Variants in CPLANE1 observed in about 807,000 individuals in gnomAD.
CPLANE1 encodes the protein ciliogenesis and planar polarity effector 1.
A neutral mutation model predicts 362.5 loss-of-function variants in CPLANE1; 263 were observed. The observed-to-expected ratio is 0.73, with a 90% CI of 0.66 to 0.80. The LOEUF (loss-of-function observed/expected upper bound fraction) is 0.80. Among genes scored for constraint, CPLANE1 ranks in the 30% least tolerant of loss-of-function variants. CPLANE1 has a pLI of 0.00. For synonymous variants in CPLANE1, 1,212 were observed against 1,302.6 expected, an observed-to-expected ratio of 0.93 and a Z score of 1.50; for missense variants, 3,461 against 3,793.4, an observed-to-expected ratio of 0.91 and a Z score of 2.30.
At chr5:37,230,028 T>C (rs1797360683) in intron 9 of CPLANE1, among the ~76,000 whole-genome samples, 1 of 151,548 alleles carries the variant, frequency 6.6e-6, no homozygotes, top group Non-Finnish European at 1.5e-5. Flanking sequence ...AATACAAAAT[T>C]AGCCAGGCAT....
chr5:37,093,338 C>T, the CPLANE1 span, among the ~76,000 whole-genome samples: 1 of 152,182 alleles, frequency 6.6e-6, no homozygotes, highest in Non-Finnish European at 1.5e-5. Flanking sequence ...CACTGGCATT[C>T]CAACAGCAAT....
intron 21 of CPLANE1, among the ~76,000 whole-genome samples, chr5:37,194,584 C>T (rs1033027449): frequency 7.9e-5 from 12 of 151,242 alleles, no homozygotes; most frequent in Non-Finnish European, 1.8e-4. Context: ...AATGCCGTTT[C>T]GGTTGGAAAA....
Position 37,172,642 on chromosome 5 carries a change from A to T in CPLANE1, c.6171+1113T>A, listed in dbSNP as rs146421060. 2.0e-3 allele frequency among the ~76,000 whole-genome samples: 307 copies of T among 152,340 alleles called. 1 individual carries two copies. Among genetic ancestry groups the T allele is most frequent in the African/African-American group, 7.1e-3 (296 of 41,590 alleles). On this transcript the variant is annotated intron_variant, in intron 32 of 52. Transcript: ENST00000651892. Reference sequence around the variant, plus strand: ...TTAGTTTCAGTAAGTTTCATGGGACAGGGGGACATGCTGAACAACTATTCT... The same window carrying T: ...TTAGTTTCAGTAAGTTTCATGGGACTGGGGGACATGCTGAACAACTATTCT...
At chr5:37,171,392 G>A (rs1779747390) in intron 32 of CPLANE1, among the ~76,000 whole-genome samples, 1 of 152,196 alleles carries the variant, frequency 6.6e-6, no homozygotes, top group Non-Finnish European at 1.5e-5. Flanking sequence ...TGATTCAACA[G>A]GTCTAGGATA....
intron 51 of CPLANE1, among the ~76,000 whole-genome samples, chr5:37,112,495 G>T (rs1385219221): frequency 6.6e-6 from 1 of 152,190 alleles, no homozygotes; most frequent in African/African-American, 2.4e-5. Flanking sequence ...GAAGTGAAAG[G>T]TAAGTTATAG....
chr5:37,144,850 C>CAA (rs530265427), intron 43 of CPLANE1, among the ~76,000 whole-genome samples: 44 of 64,188 alleles, frequency 6.9e-4, no homozygotes, highest in African/African-American at 2.1e-3. Context: ...GACTCTGTCT[C>CAA]AAAAAAAAAA....
chr5:37,190,206 A>C (rs1420008254), intron 21 of CPLANE1, among the ~76,000 whole-genome samples: 2 of 152,124 alleles, frequency 1.3e-5, no homozygotes, highest in Non-Finnish European at 2.9e-5. Flanking sequence ...TCTACTAGAC[A>C]AACGATCGAG....
intron 17 of CPLANE1, 34 bp downstream of exon 17, chr5:37,206,163 A>G (rs1488789472): frequency 7.7e-7 from 1 of 1,297,514 alleles, no homozygotes; most frequent in Admixed American, 2.0e-5. Context: ...TAGTTCAATC[A>G]TACTATATCT....
chr5:37,085,841 A>G, the CPLANE1 span: 1 of 1,287,860 alleles, frequency 7.8e-7, no homozygotes. Context: ...GGCCAAACAG[A>G]GCAGTGGGTG....
intron 47 of CPLANE1, chr5:37,124,825 A>T (rs1238767942): frequency 5.9e-5 from 57 of 969,152 alleles, no homozygotes; most frequent in Non-Finnish European, 6.3e-5. Flanking sequence ...AAGTTTTCTA[A>T]GCAAATAAAT....
chr5:37,187,032 G>A (rs535353986), intron 23 of CPLANE1, among the ~76,000 whole-genome samples: 52 of 127,886 alleles, frequency 4.1e-4, no homozygotes, highest in African/African-American at 1.7e-3. Flanking sequence ...CTGCACTCTA[G>A]CCTGGGTGAC....
intron 34 of CPLANE1, among the ~76,000 whole-genome samples, chr5:37,168,330 C>T (rs1366210007): frequency 6.6e-6 from 1 of 152,222 alleles, no homozygotes; most frequent in African/African-American, 2.4e-5. Context: ...CCACTCTACA[C>T]ACACATAAAC....
At chr5:37,237,364 CAT>C (rs1799231525) in intron 8 of CPLANE1, among the ~76,000 whole-genome samples, 1 of 152,144 alleles carries the variant, frequency 6.6e-6, no homozygotes, top group Non-Finnish European at 1.5e-5. Flanking sequence ...TCAAATACTA[CAT>C]ATTCTAACTT....
At chr5:37,205,087 G>T (rs1389279497) in intron 18 of CPLANE1, 2 of 250,594 alleles carry the variant, frequency 8.0e-6, no homozygotes, top group Non-Finnish European at 1.5e-5. Flanking sequence ...AACCCGGCAG[G>T]TAGAGTTTGC....
At chr5:37,164,750 T>G (rs1777787080) in intron 36 of CPLANE1, among the ~76,000 whole-genome samples, 1 of 152,204 alleles carries the variant, frequency 6.6e-6, no homozygotes, top group South Asian at 2.1e-4. Context: ...TTAATACGTC[T>G]CTATTTAATC....
At chr5:37,182,200 C>T (rs1008768299) in intron 26 of CPLANE1, among the ~76,000 whole-genome samples, 1 of 152,130 alleles carries the variant, frequency 6.6e-6, no homozygotes, top group African/African-American at 2.4e-5. Context: ...CACACATACA[C>T]ACACACACTC....
intron 46 of CPLANE1, 60 bp downstream of exon 46, chr5:37,138,660 T>G (rs1254703878): frequency 9.2e-6 from 14 of 1,528,298 alleles, no homozygotes; most frequent in Non-Finnish European, 1.2e-5. Flanking sequence ...TGACAAATTT[T>G]GAACATTCTT....
At chr5:37,099,331 C>T in the CPLANE1 span, among the ~76,000 whole-genome samples, 38 of 152,238 alleles carry the variant, frequency 2.5e-4, no homozygotes, top group Non-Finnish European at 4.4e-4. Context: ...CCCCACACCC[C>T]GCCGCAATGT....
At chr5:37,087,294 A>G in the CPLANE1 span, among the ~76,000 whole-genome samples, 5 of 152,318 alleles carry the variant, frequency 3.3e-5, no homozygotes, top group South Asian at 1.0e-3. Flanking sequence ...GTCCCATTAT[A>G]CACAGAAAAG....
Sources: allele counts gnomAD v4.1 joint callset (sites outside exome capture counted in the v4.1 genomes callset), GRCh38; gene constraint gnomAD v4.1.1; transcripts MANE v1.5; gene names NCBI Gene and HGNC (gene_info 2026-07-23, HGNC 2026-07-21).